Variants in ABCG2 observed in about 807,000 individuals in gnomAD.
ABCG2 encodes the protein broad substrate specificity ATP-binding cassette transporter ABCG2.
In ABCG2, 80 loss-of-function variants were observed where a neutral mutation model predicts 73.5. The ratio of observed to expected loss-of-function variants is 1.09; its 90% CI spans 0.91 to 1.31. ABCG2 has a LOEUF of 1.31. Among genes scored for constraint, ABCG2 ranks in the 50% most tolerant of loss-of-function variants. The pLI is 0.00. For synonymous variants in ABCG2, 269 were observed against 282.4 expected (o/e 0.95, Z 0.48); for missense variants, 796 against 786.2 (o/e 1.01, Z -0.15).
At chr4:88,123,410 C>T (rs991277997) in intron 5 of ABCG2, among the ~76,000 whole-genome samples, 2 of 151,818 alleles carry the variant, frequency 1.3e-5, no homozygotes, top group African/African-American at 4.8e-5. Context: ...AAGCTAAGAA[C>T]ACTGAAAAAA....
At chr4:88,221,993 C>T (rs1028770436) in intron 1 of ABCG2, among the ~76,000 whole-genome samples, 1 of 152,150 alleles carries the variant, frequency 6.6e-6, no homozygotes, top group Non-Finnish European at 1.5e-5. Flanking sequence ...CATCACAGTC[C>T]CTGAAGACTA....
intron 2 of ABCG2, among the ~76,000 whole-genome samples, chr4:88,136,466 T>C (rs1436252676): frequency 6.6e-6 from 1 of 152,130 alleles, no homozygotes; most frequent in East Asian, 1.9e-4. Context: ...ATTCAAAGAA[T>C]GAGGCAAGGT....
chr4:88,117,906 GA>G (rs1560678394), intron 7 of ABCG2, among the ~76,000 whole-genome samples: 1 of 152,100 alleles, frequency 6.6e-6, no homozygotes, highest in African/African-American at 2.4e-5. Flanking sequence ...ATTGAAATAA[GA>G]CAAGAAAGAT....
intron 1 of ABCG2, chr4:88,226,701 A>C (rs1730227729): frequency 6.6e-6 from 1 of 152,424 alleles, no homozygotes; most frequent in African/African-American, 2.4e-5. Flanking sequence ...TTCTGGCATG[A>C]TAATCTATTA....
intron 1 of ABCG2, among the ~76,000 whole-genome samples, chr4:88,149,513 A>G (rs1339520775): frequency 2.6e-5 from 4 of 152,094 alleles, no homozygotes; most frequent in Non-Finnish European, 5.9e-5. Flanking sequence ...TAGCCACAGA[A>G]CCCTGGAGAA....
intron 1 of ABCG2, among the ~76,000 whole-genome samples, chr4:88,198,443 C>G (rs538143253): frequency 6.6e-6 from 1 of 152,094 alleles, no homozygotes; most frequent in Non-Finnish European, 1.5e-5. Context: ...GACCACCCTG[C>G]AGAACATAGC....
chr4:88,187,693 C>A (rs7670362), intron 1 of ABCG2, among the ~76,000 whole-genome samples: 55,431 of 151,974 alleles, frequency 0.36, 10,523 homozygotes, highest in East Asian at 0.7. Flanking sequence ...ATATTGTATG[C>A]CTATGTCAAA....
intron 1 of ABCG2, among the ~76,000 whole-genome samples, chr4:88,186,814 G>A (rs1728476321): frequency 1.3e-5 from 2 of 149,170 alleles, no homozygotes; most frequent in Admixed American, 1.3e-4. Flanking sequence ...AGCTACTTGG[G>A]AGGCTGAGGC....
intron 8 of ABCG2, among the ~76,000 whole-genome samples, chr4:88,114,090 G>A (rs1047348584): frequency 3.3e-5 from 5 of 151,990 alleles, no homozygotes; most frequent in African/African-American, 1.2e-4. Context: ...ATCATGCGAG[G>A]CCAGGAATTC....
chr4:88,120,832 T>A (rs760349556), intron 6 of ABCG2, among the ~76,000 whole-genome samples: 2 of 152,066 alleles, frequency 1.3e-5, no homozygotes, highest in African/African-American at 2.4e-5. Context: ...TGGGAAGGCA[T>A]GATTGGTTTT....
intron 1 of ABCG2, among the ~76,000 whole-genome samples, chr4:88,230,364 C>T (rs553018668): frequency 3.9e-4 from 52 of 133,818 alleles, no homozygotes; most frequent in Middle Eastern, 4.0e-3. Flanking sequence ...GACGGAGTCT[C>T]GCACTGTCGC....
In ABCG2 at chr4:88,145,673, C is replaced by T. The variant is rs151204531; in HGVS notation, c.-19-5659G>A. 2.0e-5 allele frequency among the ~76,000 whole-genome samples: 3 copies of T among 152,242 alleles called. No homozygotes were observed. In the East Asian group the frequency reaches 5.8e-4, roughly 29 times the overall value. On this transcript the variant is annotated intron_variant, in intron 1 of 15. Transcript: ENST00000237612. ...CTCTGGGCCAGGCCAGGTGCGGTGG[C>T]TCTTGCCTGTAATCTCAGCACTTTG... is the stretch of plus-strand genomic sequence containing the variant.
At chr4:88,177,155 A>G (rs1728025127) in intron 1 of ABCG2, among the ~76,000 whole-genome samples, 1 of 152,070 alleles carries the variant, frequency 6.6e-6, no homozygotes, top group African/African-American at 2.4e-5. Context: ...GGCGGATCGC[A>G]AGGTCAGGAG....
chr4:88,191,307 G>C (rs1728683712), intron 1 of ABCG2, among the ~76,000 whole-genome samples: 1 of 148,928 alleles, frequency 6.7e-6, no homozygotes. Context: ...AATTTACAAA[G>C]ACATTTCACC....
At chr4:88,188,714 T>G (rs1728564983) in intron 1 of ABCG2, among the ~76,000 whole-genome samples, 1 of 152,206 alleles carries the variant, frequency 6.6e-6, no homozygotes, top group Non-Finnish European at 1.5e-5. Flanking sequence ...ATTGCCATCC[T>G]AACAATTTTA....
chr4:88,181,457 A>C (rs1210916402), intron 1 of ABCG2, among the ~76,000 whole-genome samples: 1 of 150,410 alleles, frequency 6.6e-6, no homozygotes, highest in Non-Finnish European at 1.5e-5. Context: ...GAAGCCAGGC[A>C]TGGTGACTCA....
chr4:88,152,415 C>A (rs958147742), intron 1 of ABCG2, among the ~76,000 whole-genome samples: 1 of 151,860 alleles, frequency 6.6e-6, no homozygotes, highest in African/African-American at 2.4e-5. Context: ...GGGCTGAGTC[C>A]GAAAAGAAAG....
intron 3 of ABCG2, 25 bp downstream of exon 3, chr4:88,132,551 C>G: frequency 6.2e-7 from 1 of 1,613,178 alleles, no homozygotes; most frequent in Non-Finnish European, 8.5e-7. Context: ...ACAGAAAACG[C>G]TTACTTATAC....
At chr4:88,218,996 C>T (rs140983655) in intron 1 of ABCG2, among the ~76,000 whole-genome samples, 12 of 152,144 alleles carry the variant, frequency 7.9e-5, no homozygotes, top group African/African-American at 2.4e-4. Context: ...AAAGGAAATA[C>T]GGGAACTGCT....
Sources: gnomAD v4.1 joint callset for allele counts (sites outside exome capture counted in the v4.1 genomes callset) on GRCh38, gnomAD v4.1.1 for gene constraint, MANE v1.5 for transcripts, NCBI Gene and HGNC (gene_info 2026-07-23, HGNC 2026-07-21) for gene names.